The following ALG3 variants were observed in gnomAD, a reference collection of about 807,000 sequenced individuals.
ALG3 encodes dol-P-Man:Man(5)GlcNAc(2)-PP-Dol alpha-1,3-mannosyltransferase.
Under a neutral mutation model 50.5 loss-of-function variants are expected in ALG3, and 39 were observed. That is an observed-to-expected ratio of 0.77 (90% CI 0.60 to 1.01). The LOEUF is 1.01. Ranked by LOEUF, ALG3 falls within the 50% of genes least tolerant of loss-of-function variation. ALG3 has a pLI of 0.00. For missense variants in ALG3, 520 were observed against 554.8 expected (o/e 0.94, Z 0.63); for synonymous variants, 252 against 237.2 (o/e 1.06, Z -0.58).
At position 184,245,810 on chromosome 3, in the gene ALG3, T is replaced by A; in HGVS notation, c.199A>T (p.Thr67Ser). 6.2e-7 allele frequency: 1 copy of A among 1,612,508 alleles called. No homozygotes were observed. The highest frequency in any genetic ancestry group is 2.2e-5 in the East Asian group (1 of 44,874). ...TFWVIHRVAY[T>S]EIDWKAYMAE... ...ATGTAGGCCTTCCAGTCAATCTCTG[T>A]GTCTGGAAGAAGACAAGATGATCTG... The change falls in exon 2 of 9, where the codon ACA (threonine) becomes TCA (serine). Residue 67 changes from threonine to serine, a missense_variant and splice_region_variant. By Grantham distance (58) the Thr-to-Ser change is moderately conservative. Around this residue, in one of 3 missense-constraint regions of ALG3, gnomAD observed 290 missense variants for 265.9 expected, o/e 1.09. Transcript: ENST00000397676.
rs762474591 is a variant in ALG3, at chr3:184,245,718, T to C, written c.291A>G (p.Pro97=). The C allele has an allele frequency of 6.2e-7, 1 of 1,612,652 alleles. No homozygotes were observed. Among genetic ancestry groups the C allele is most frequent in the Non-Finnish European group, 8.5e-7 (1 of 1,178,746 alleles). Residue 97 remains proline (P), a synonymous_variant, in exon 2 of 9, where the codon CCA becomes CCG. Transcript: ENST00000397676. Reference sequence around the variant, plus strand: ...AACTTCCTGTCCCCACTCACACAAGTGGTCCGGTGTCACCCTGCAGTTGGG... The same window carrying C: ...AACTTCCTGTCCCCACTCACACAAGCGGTCCGGTGTCACCCTGCAGTTGGG... ...DYTQLQGDTG[P]LVYPAGFVYI...
intron 5 of ALG3, 90 bp from the exon 6 acceptor site, chr3:184,244,086 A>G: frequency 7.6e-7 from 1 of 1,310,392 alleles, no homozygotes; most frequent in Non-Finnish European, 1.1e-6. Flanking sequence ...TGGGACGGGG[A>G]TGTAGGCCTC....
At chr3:184,245,866 C>T in intron 1 of ALG3, 54 bp from the exon 2 acceptor site, 2 of 1,407,162 alleles carry the variant, frequency 1.4e-6, no homozygotes, top group Non-Finnish European at 2.0e-6. Context: ...TTGTCTGCCA[C>T]CCTCCCCATG....
intron 3 of ALG3, 52 bp downstream of exon 3, chr3:184,245,416 C>T: frequency 6.2e-7 from 1 of 1,613,232 alleles, no homozygotes; most frequent in South Asian, 1.1e-5. Flanking sequence ...GCCATCCCCA[C>T]CACCCAGCCC....
At chr3:184,248,644 G>T in intron 1 of ALG3, 101 bp downstream of exon 1, 1 of 1,106,014 alleles carries the variant, frequency 9.0e-7, no homozygotes, top group Non-Finnish European at 1.3e-6. Flanking sequence ...TGACGAGTGA[G>T]TGGATACAGA....
rs771975764 is a variant in ALG3, at chr3:184,243,542, T to A, written c.1009+12A>T. ...GAGGGCAAGACTTACCTTCCCACAATTTAAAGGATATGGTTGGGTGTAAGG... is the reference window on the plus strand; with the variant it reads ...GAGGGCAAGACTTACCTTCCCACAAATTAAAGGATATGGTTGGGTGTAAGG... On this transcript the variant is annotated intron_variant, in intron 7 of 8. Transcript: ENST00000397676. The A allele has an allele frequency of 6.2e-6, 10 of 1,613,358 alleles. No homozygotes were observed. Among genetic ancestry groups the A allele is most frequent in the Admixed American group, 1.7e-5 (1 of 59,986 alleles).
In ALG3 at chr3:184,242,463, C is replaced by A. The variant is rs1205778506; in HGVS notation, c.*51G>T. 1.3e-6 allele frequency: 2 copies of A among 1,588,952 alleles called. No individual in the cohort carries two copies. The highest frequency in any genetic ancestry group is 2.7e-5 in the African/African-American group (2 of 74,756). ...TTTATTTGGAAGGGCAGAGTCCAAC[C>A]AACCCCAGGTCCTGAGGGTAGACTC... On this transcript the variant is annotated 3_prime_UTR_variant, in exon 9 of 9. Transcript: ENST00000397676.
intron 7 of ALG3, 23 bp downstream of exon 7, chr3:184,243,530 AC>A (rs1304672142): frequency 1.2e-6 from 2 of 1,610,658 alleles, no homozygotes; most frequent in South Asian, 2.2e-5. Flanking sequence ...GGCAAGACTT[AC>A]CTTCCCACAA....
In ALG3 at chr3:184,245,562, C is replaced by G. The variant is rs370434427; in HGVS notation, c.350G>C (p.Arg117Pro). Reference protein sequence around the residue: ...IFMGLYYATSRGTDIRMAQNI... With the variant: ...IFMGLYYATSPGTDIRMAQNI... ...CTGGGCCATGCGGATGTCAGTGCCT[C>G]GGCTGGTGGCATAGTACAACCCCAT... Residue 117 changes from arginine to proline, a missense_variant, in exon 3 of 9, where the codon CGA becomes CCA. Physicochemically the swap from Arg to Pro is moderately radical, Grantham distance 103. Coordinates refer to ENST00000397676, the MANE Select transcript of ALG3 (RefSeq NM_005787.6). The G allele has an allele frequency of 3.1e-6, 5 of 1,613,704 alleles. No homozygotes were observed. The highest frequency in any genetic ancestry group is 4.2e-6 in the Non-Finnish European group (5 of 1,179,846).
chr3:184,244,127 A>G, intron 5 of ALG3, 131 bp from the exon 6 acceptor site: 1 of 939,572 alleles, frequency 1.1e-6, no homozygotes, highest in Non-Finnish European at 1.6e-6. Flanking sequence ...TAGAAATAGC[A>G]GGAAAACCAC....
intron 7 of ALG3, 200 bp downstream of exon 7, chr3:184,243,354 A>C: frequency 1.6e-6 from 1 of 608,072 alleles, no homozygotes; most frequent in Non-Finnish European, 2.9e-6. Context: ...AGAAGTACTC[A>C]TAAGAGTAGC....
chr3:184,243,720 A>C (rs1382762263), intron 6 of ALG3, 71 bp downstream of exon 6: 4 of 1,593,360 alleles, frequency 2.5e-6, no homozygotes, highest in Non-Finnish European at 3.4e-6. Context: ...ACTTCCCCCA[A>C]GCAGCCCCTA....
chr3:184,244,834 C>G, intron 4 of ALG3, 113 bp from the exon 5 acceptor site: 1 of 1,414,436 alleles, frequency 7.1e-7, no homozygotes, highest in Non-Finnish European at 9.5e-7. Context: ...GCCGCCACGC[C>G]AACAAACTCC....
upstream of ALG3, chr3:184,249,358 G>A (rs1162669015): frequency 1.4e-6 from 2 of 1,406,778 alleles, no homozygotes; most frequent in East Asian, 2.4e-5. Flanking sequence ...TCCGGATGCT[G>A]AGAAAAATGA....
rs1382992377 is a variant in ALG3, at chr3:184,245,220, C to T, written c.583G>A (p.Gly195Ser). 13 of 1,613,758 alleles carry T rather than the reference C, an allele frequency of 8.1e-6. No individual in the cohort carries two copies. The highest frequency in any genetic ancestry group is 1.7e-5 in the Admixed American group (1 of 59,988). ...GACCTGAAAAAGCAGCAACCCCAGC[C>T]CCAGCGCTGGGCCAGCAGGAGGTTG... ...SINLLLAQRW[G>S]WGCCFFSLAV... is the part of the protein sequence containing the mutation. The change falls in exon 4 of 9, where the codon GGC becomes AGC. Residue 195 changes from glycine (G) to serine (S), a missense_variant. Gly to Ser is a moderately conservative substitution (Grantham distance 56, BLOSUM62 0). Coordinates refer to ENST00000397676, the MANE Select transcript of ALG3 (RefSeq NM_005787.6).
rs1560161615 is a variant in ALG3 at position 184,242,597 on chromosome 3, A to G, written c.1234T>C (p.Cys412Arg). 7 of 1,601,440 alleles carry G rather than the reference A, an allele frequency of 4.4e-6. No individual in the cohort carries two copies. Among genetic ancestry groups the G allele is most frequent in the East Asian group, 4.5e-5 (2 of 44,698 alleles). ...AGCTGCAGCAGGATGACGGCATGGC[A>G]TATGTGCAGGGCAGCAGAGCTGCAG... ...TSCSSAALHICHAVILLQLWL... is the reference protein window; with the variant it reads ...TSCSSAALHIRHAVILLQLWL... Residue 412 changes from cysteine to arginine, a missense_variant, in exon 9 of 9, where the codon TGC becomes CGC. This residue lies in a region of ALG3 where 224 missense variants were observed against 272.8 expected (regional missense o/e 0.82). Coordinates refer to ENST00000397676, the MANE Select transcript of ALG3 (RefSeq NM_005787.6).
Position 184,243,094 on chromosome 3 carries a change from C to T in ALG3, c.1010-137G>A, listed in dbSNP as rs73887420. On this transcript the variant is annotated intron_variant, in intron 7 of 8. Transcript: ENST00000397676. ...GCATGCCTTTGGGCAAGTTTATTAA[C>T]CTCTCTGGACCTGCTCCTCAACCAA... 1,619 of 1,140,830 alleles carry T rather than the reference C, an allele frequency of 1.4e-3. 17 individuals are homozygous for T. The African/African-American group carries it at 0.022, about 16-fold the overall frequency. The allele number at this position is 1,140,830 out of a possible 1,614,324, so 70.7% of individuals were successfully genotyped here.
At chr3:184,249,506 C>T, upstream of ALG3, 1 of 768,998 alleles carries the variant, frequency 1.3e-6, no homozygotes. Flanking sequence ...CCGGAGGATT[C>T]AGGGTCTGGA....
chr3:184,247,902 G>A (rs1719252423), intron 1 of ALG3, among the ~76,000 whole-genome samples: 1 of 151,132 alleles, frequency 6.6e-6, no homozygotes, highest in Non-Finnish European at 1.5e-5. Flanking sequence ...CTGGAGTGCA[G>A]TGGCGTGATC....
Sources: allele counts gnomAD v4.1 joint callset (sites outside exome capture counted in the v4.1 genomes callset), GRCh38; gene constraint gnomAD v4.1.1; regional missense constraint gnomAD v4.1.1; transcripts MANE v1.5; gene names NCBI Gene and HGNC (gene_info 2026-07-23, HGNC 2026-07-21).